Variants in OTOGL observed in about 807,000 individuals in gnomAD.
The protein encoded by OTOGL is otogelin-like protein.
OTOGL carries 285 observed loss-of-function variants against 318.5 expected under a neutral mutation model. That is an observed-to-expected ratio of 0.89 (90% CI 0.81 to 0.99). The LOEUF (loss-of-function observed/expected upper bound fraction) is 0.99, where lower values mean the gene tolerates loss of function less well. OTOGL is among the 50% of genes least tolerant of loss of function. The pLI, the probability that OTOGL is intolerant of heterozygous loss-of-function variation, is 0.00. For missense variants in OTOGL, 2,899 were observed against 2,845.6 expected, an observed-to-expected ratio of 1.02 and a Z score of -0.43; for synonymous variants, 987 against 936.5, an observed-to-expected ratio of 1.05 and a Z score of -0.99.
intron 1 of OTOGL, chr12:80,208,294 C>T (rs1414034068): frequency 4.1e-6 from 2 of 487,234 alleles, no homozygotes; most frequent in Non-Finnish European, 8.2e-6. Context: ...GAATGTTGGA[C>T]CATGTAACAT....
intron 24 of OTOGL, among the ~76,000 whole-genome samples, chr12:80,276,041 A>G (rs928126515): frequency 5.9e-5 from 9 of 151,804 alleles, no homozygotes; most frequent in Non-Finnish European, 1.2e-4. Context: ...TCTCTGAAAT[A>G]CACCTATAAT....
chr12:80,365,904 T>C (rs1332949009), intron 52 of OTOGL, among the ~76,000 whole-genome samples: 2 of 152,170 alleles, frequency 1.3e-5, no homozygotes, highest in East Asian at 3.9e-4. Flanking sequence ...ACTTTAAGCC[T>C]GGTCCTGTAT....
intron 9 of OTOGL, among the ~76,000 whole-genome samples, chr12:80,236,402 A>G (rs1241631162): frequency 6.6e-6 from 1 of 152,178 alleles, no homozygotes; most frequent in Non-Finnish European, 1.5e-5. Flanking sequence ...CCACACCACC[A>G]TTAGATATGG....
At chr12:80,125,930 T>C (rs145828030) in intron 1 of OTOGL, among the ~76,000 whole-genome samples, 1,607 of 152,288 alleles carry the variant, frequency 0.011, 16 homozygotes, top group Non-Finnish European at 0.014. Context: ...TCTTCTCTCT[T>C]TTCTTCTTAA....
intron 18 of OTOGL, among the ~76,000 whole-genome samples, chr12:80,258,582 T>G (rs1300702761): frequency 6.6e-6 from 1 of 152,122 alleles, no homozygotes; most frequent in African/African-American, 2.4e-5. Flanking sequence ...TTCACCTACG[T>G]GTGAAAAGAA....
intron 28 of OTOGL, among the ~76,000 whole-genome samples, chr12:80,303,012 G>T (rs1185996172): frequency 1.3e-5 from 2 of 152,064 alleles, no homozygotes; most frequent in Non-Finnish European, 2.9e-5. Context: ...GATTACTTAA[G>T]CCAGCTTTCT....
At chr12:80,294,017 T>C (rs1438698603) in intron 26 of OTOGL, among the ~76,000 whole-genome samples, 1 of 152,158 alleles carries the variant, frequency 6.6e-6, no homozygotes, top group East Asian at 1.9e-4. Flanking sequence ...CAGAGTCATT[T>C]TGGGGCATAT....
chr12:80,285,573 T>TTTC (rs1884554027), intron 26 of OTOGL, among the ~76,000 whole-genome samples: 1 of 151,744 alleles, frequency 6.6e-6, no homozygotes, highest in Non-Finnish European at 1.5e-5. Flanking sequence ...GGTTTGTAGT[T>TTTC]CTTGAAGAGA....
chr12:80,180,842 A>G (rs778800235), intron 1 of OTOGL, among the ~76,000 whole-genome samples: 28 of 152,166 alleles, frequency 1.8e-4, no homozygotes, highest in Admixed American at 1.2e-3. Context: ...TGTATGGGTC[A>G]ATGATCCATC....
chr12:80,348,688 A>G (rs893793228), intron 44 of OTOGL, among the ~76,000 whole-genome samples: 4 of 152,170 alleles, frequency 2.6e-5, no homozygotes, highest in Admixed American at 1.3e-4. Context: ...AATGTCCTCT[A>G]TAATCTGGCC....
At chr12:80,347,397 G>GT (rs1462872320) in intron 44 of OTOGL, among the ~76,000 whole-genome samples, 1 of 152,026 alleles carries the variant, frequency 6.6e-6, no homozygotes, top group Non-Finnish European at 1.5e-5. Context: ...GCGGTGTTTG[G>GT]TTTTCCGTTC....
At chr12:80,102,345 C>T (rs1869188249) in intron 1 of OTOGL, among the ~76,000 whole-genome samples, 1 of 152,162 alleles carries the variant, frequency 6.6e-6, no homozygotes, top group South Asian at 2.1e-4. Flanking sequence ...AATTAAATGT[C>T]CTTGTGGCTT....
At chr12:80,353,598 G>A (rs1159391539) in intron 46 of OTOGL, 88 bp downstream of exon 46, 1 of 1,080,088 alleles carries the variant, frequency 9.3e-7, no homozygotes, top group Non-Finnish European at 1.2e-6. Flanking sequence ...TGCTAACAAA[G>A]GTTTATCAAA....
intron 44 of OTOGL, among the ~76,000 whole-genome samples, chr12:80,349,499 G>A (rs1321235970): frequency 2.0e-5 from 3 of 152,084 alleles, no homozygotes; most frequent in Non-Finnish European, 4.4e-5. Context: ...AACAGAATGA[G>A]AGGCAGGTAG....
intron 27 of OTOGL, among the ~76,000 whole-genome samples, chr12:80,298,430 A>G (rs1885554815): frequency 6.6e-6 from 1 of 152,178 alleles, no homozygotes; most frequent in South Asian, 2.1e-4. Flanking sequence ...ACATCTGTAA[A>G]TTTGGGAAGA....
Position 80,252,109 on chromosome 12 carries a change from A to G in OTOGL, c.1193A>G (p.Asp398Gly). ...DKCDDSFVHR[D>G]CISCCPPTCT... ...TGTGATGATAGCTTTGTCCATCGGG[A>G]CTGTATCAGTTGTTGTCCACCAACC... The change falls in exon 13 of 59, where the codon GAC (aspartate) becomes GGC (glycine). Residue 398 changes from aspartate to glycine, a missense_variant. Around this residue, in one of 3 missense-constraint regions of OTOGL, gnomAD observed 2,607 missense variants for 2,524.9 expected, o/e 1.03. Transcript: ENST00000547103. 1 of 1,558,596 alleles carries G rather than the reference A, an allele frequency of 6.4e-7. No homozygotes were observed.
intron 26 of OTOGL, among the ~76,000 whole-genome samples, chr12:80,282,443 T>C (rs1017865346): frequency 6.6e-6 from 1 of 151,946 alleles, no homozygotes; most frequent in Non-Finnish European, 1.5e-5. Context: ...TCTTCCTTTA[T>C]GAATGGTTTT....
chr12:80,153,125 A>G (rs1046171479), intron 1 of OTOGL, among the ~76,000 whole-genome samples: 6 of 152,238 alleles, frequency 3.9e-5, no homozygotes, highest in Non-Finnish European at 8.8e-5. Context: ...GGACTGCTGT[A>G]GCAAAGTCCT....
intron 34 of OTOGL, among the ~76,000 whole-genome samples, chr12:80,322,849 A>T (rs1887426049): frequency 6.6e-6 from 1 of 152,210 alleles, no homozygotes; most frequent in South Asian, 2.1e-4. Context: ...GAGAACAGCA[A>T]CAGAATATTC....
Sources: gnomAD v4.1 joint callset for allele counts (sites outside exome capture counted in the v4.1 genomes callset) on GRCh38, gnomAD v4.1.1 for gene constraint, gnomAD v4.1.1 regional missense constraint, MANE v1.5 for transcripts, NCBI Gene and HGNC (gene_info 2026-07-23, HGNC 2026-07-21) for gene names.